The following GLI2 variants were observed in gnomAD, a reference collection of about 807,000 sequenced individuals.
The protein encoded by GLI2 is transcription activator GLI2.
In GLI2, 22 loss-of-function variants were observed where a neutral mutation model predicts 78.9. The observed-to-expected ratio is 0.28, with a 90% CI of 0.20 to 0.40. The LOEUF (loss-of-function observed/expected upper bound fraction) is 0.40, where lower values mean the gene tolerates loss of function less well. GLI2 is among the 10% of genes least tolerant of loss of function. The pLI, the probability that GLI2 is intolerant of heterozygous loss-of-function variation, is 1.00. For missense variants in GLI2, 2,097 were observed against 2,213.2 expected, an observed-to-expected ratio of 0.95 and a Z score of 1.05; for synonymous variants, 974 against 963.7, an observed-to-expected ratio of 1.01 and a Z score of -0.20.
chr2:120,815,378 A>G (rs1443101744), intron 2 of GLI2, among the ~76,000 whole-genome samples: 1 of 152,190 alleles, frequency 6.6e-6, no homozygotes, highest in Admixed American at 6.5e-5. Flanking sequence ...TGTGGGCTGC[A>G]GACGATTCTG....
chr2:120,811,759 T>G (rs1467029447), intron 2 of GLI2, among the ~76,000 whole-genome samples: 1 of 152,156 alleles, frequency 6.6e-6, no homozygotes, highest in African/African-American at 2.4e-5. Context: ...ATCTCTTTGC[T>G]GATTGATTTG....
intron 2 of GLI2, among the ~76,000 whole-genome samples, chr2:120,864,589 A>G (rs1688042885): frequency 1.3e-5 from 2 of 152,080 alleles, no homozygotes; most frequent in Admixed American, 1.3e-4. Flanking sequence ...CTCCTGCCTC[A>G]GCCTCCCAAG....
At chr2:120,826,047 C>T (rs919357233) in intron 2 of GLI2, among the ~76,000 whole-genome samples, 2 of 152,200 alleles carry the variant, frequency 1.3e-5, no homozygotes, top group African/African-American at 4.8e-5. Flanking sequence ...GTGACGGCCG[C>T]CTTTGTTATG....
chr2:120,989,138 G>C lies in GLI2; in HGVS notation c.3173G>C (p.Ser1058Thr), dbSNP rs984643178. ...DVVQYIKAHA[S>T]GALDEGTGQV... The stretch of plus-strand genomic sequence containing the variant: ...GTGCAGTACATCAAGGCGCACGCCA[G>C]TGGCGCTCTGGACGAGGGCACCGGG... The change falls in exon 14 of 14, where the codon AGT (serine) becomes ACT (threonine). Residue 1058 changes from serine (S) to threonine (T), a missense_variant. Coordinates refer to ENST00000361492, the MANE Select transcript of GLI2 (RefSeq NM_001374353.1). 2 of 1,613,096 alleles carry C rather than the reference G, an allele frequency of 1.2e-6. No homozygotes were observed. The highest frequency in any genetic ancestry group is 1.7e-6 in the Non-Finnish European group (2 of 1,179,986).
intron 1 of GLI2, among the ~76,000 whole-genome samples, chr2:120,795,426 G>A (rs965216388): frequency 1.3e-5 from 2 of 151,860 alleles, no homozygotes; most frequent in Non-Finnish European, 2.9e-5. Context: ...AGGAGGCTGA[G>A]GCAGGAGAAT....
intron 2 of GLI2, among the ~76,000 whole-genome samples, chr2:120,833,478 G>A (rs897689711): frequency 6.6e-6 from 1 of 152,180 alleles, no homozygotes; most frequent in Non-Finnish European, 1.5e-5. Context: ...CCCTGGGCAA[G>A]GCACTGCACC....
chr2:120,992,382 C>T lies in GLI2; in HGVS notation c.*1707C>T, dbSNP rs891503230. 6.6e-6 allele frequency: 1 copy of T among 152,282 alleles called. No homozygotes were observed. Among genetic ancestry groups the T allele is most frequent in the East Asian group, 1.9e-4 (1 of 5,178 alleles). 9.4% of individuals were successfully genotyped at this position (152,282 alleles called of 1,614,324 possible). A position where few individuals can be genotyped will look rare whatever the true frequency, so the allele number is the denominator to read the frequency against. ...CCTGAATATACTGTAGGTGAGTCGT[C>T]CAGCCAAATTTATATCTCCAAAACA... is the stretch of plus-strand genomic sequence containing the variant. On this transcript the variant is annotated 3_prime_UTR_variant, in exon 14 of 14. Coordinates refer to ENST00000361492, the MANE Select transcript of GLI2 (RefSeq NM_001374353.1).
intron 2 of GLI2, among the ~76,000 whole-genome samples, chr2:120,900,323 G>T (rs940226092): frequency 6.6e-6 from 1 of 152,158 alleles, no homozygotes; most frequent in Non-Finnish European, 1.5e-5. Flanking sequence ...CTGCTAAACT[G>T]CCAGCTTCTG....
intron 2 of GLI2, among the ~76,000 whole-genome samples, chr2:120,903,788 G>T (rs765768860): frequency 6.6e-6 from 1 of 152,148 alleles, no homozygotes; most frequent in African/African-American, 2.4e-5. Context: ...TGTGCTTCCT[G>T]CCCTTGGCTG....
intron 2 of GLI2, among the ~76,000 whole-genome samples, chr2:120,840,647 G>A (rs1270939824): frequency 6.6e-6 from 1 of 152,200 alleles, no homozygotes; most frequent in African/African-American, 2.4e-5. Flanking sequence ...GCAAGCATGT[G>A]GCTACAAACA....
chr2:120,788,787 C>T (rs1030617273), intron 1 of GLI2, among the ~76,000 whole-genome samples: 1 of 152,164 alleles, frequency 6.6e-6, no homozygotes, highest in Non-Finnish European at 1.5e-5. Context: ...GGTGCCCACC[C>T]CTGGCCACAC....
rs1684697892 is a variant in GLI2, at chr2:120,801,295, T to A, written c.148+3827T>A. 3.3e-5 allele frequency among the ~76,000 whole-genome samples: 5 copies of A among 152,116 alleles called. No homozygotes were observed. In the South Asian group the frequency reaches 1.0e-3, roughly 32 times the overall value. ...CTGGGATTACAGGTGCCCACCACCA[T>A]GCCCGGCTAATTTTTGTATTTTTAG... On this transcript the variant is annotated intron_variant, in intron 2 of 13. Coordinates refer to ENST00000361492, the MANE Select transcript of GLI2 (RefSeq NM_001374353.1).
chr2:120,830,223 G>C (rs548287969), intron 2 of GLI2, among the ~76,000 whole-genome samples: 3 of 152,304 alleles, frequency 2.0e-5, no homozygotes, highest in East Asian at 1.9e-4. Context: ...GCACCGTGCA[G>C]TGCCATCACC....
intron 2 of GLI2, among the ~76,000 whole-genome samples, chr2:120,816,183 C>T (rs149197099): frequency 0.013 from 1,846 of 146,956 alleles, 46 homozygotes; most frequent in African/African-American, 0.043. Context: ...TACTGAGGAC[C>T]CCAAAGAGCT....
At chr2:120,956,710 G>A (rs1681282066) in intron 5 of GLI2, among the ~76,000 whole-genome samples, 1 of 152,196 alleles carries the variant, frequency 6.6e-6, no homozygotes, top group Admixed American at 6.5e-5. Context: ...CCCACGGCAG[G>A]GAGACAGGAG....
rs182887647 is a variant in GLI2 at position 120,787,943 on chromosome 2, A to G, written c.-30-9348A>G. The stretch of plus-strand genomic sequence containing the variant: ...GAGGCGCTGGCACCAGGGTGGGTGG[A>G]GGAGGATGCCTGGATGGGACTGTCG... On this transcript the variant is annotated intron_variant, in intron 1 of 13. Transcript: ENST00000361492. Among the ~76,000 whole-genome samples, 223 of 152,324 alleles carry G rather than the reference A, an allele frequency of 1.5e-3. 4 individuals are homozygous for G. Among genetic ancestry groups the G allele is most frequent in the Admixed American group, 0.015 (223 of 15,302 alleles).
chr2:120,954,801 G>T (rs1453047114), intron 4 of GLI2, among the ~76,000 whole-genome samples: 1 of 152,132 alleles, frequency 6.6e-6, no homozygotes, highest in South Asian at 2.1e-4. Flanking sequence ...CAGGCCTGGC[G>T]CCCCGGCAGC....
At chr2:120,784,803 A>G (rs911452313) in intron 1 of GLI2, among the ~76,000 whole-genome samples, 1 of 152,054 alleles carries the variant, frequency 6.6e-6, no homozygotes, top group Non-Finnish European at 1.5e-5. Flanking sequence ...TGACTCCCTC[A>G]GGTTAGCAAG....
At chr2:120,791,840 T>C (rs147730350) in intron 1 of GLI2, among the ~76,000 whole-genome samples, 10 of 152,300 alleles carry the variant, frequency 6.6e-5, no homozygotes, top group African/African-American at 2.4e-4. Flanking sequence ...CACGTGTGTG[T>C]GTGGCCTGCG....
Sources: allele counts gnomAD v4.1 joint callset (sites outside exome capture counted in the v4.1 genomes callset), GRCh38; gene constraint gnomAD v4.1.1; transcripts MANE v1.5; gene names NCBI Gene and HGNC (gene_info 2026-07-23, HGNC 2026-07-21).